SNX25: variants seen among roughly 807,000 people sequenced by gnomAD.
SNX25 encodes sorting nexin 25.
A neutral mutation model predicts 113.7 loss-of-function variants in SNX25; 62 were observed. The ratio of observed to expected loss-of-function variants is 0.55; its 90% CI spans 0.44 to 0.67. SNX25 has a LOEUF of 0.67. Ranked by LOEUF, SNX25 falls within the 30% of genes least tolerant of loss-of-function variation. SNX25 has a pLI of 0.00. For missense variants in SNX25, 1,014 were observed against 1,161.0 expected (o/e 0.87, Z 1.84); for synonymous variants, 421 against 436.2 (o/e 0.97, Z 0.43).
At chr4:185,267,820 T>C (rs1347700948) in intron 5 of SNX25, among the ~76,000 whole-genome samples, 1 of 152,198 alleles carries the variant, frequency 6.6e-6, no homozygotes, top group Non-Finnish European at 1.5e-5. Flanking sequence ...AACAGTTGAT[T>C]AGCACGTATC....
chr4:185,367,817 T>C (rs2095395373), downstream of SNX25, among the ~76,000 whole-genome samples: 5 of 152,132 alleles, frequency 3.3e-5, no homozygotes, highest in South Asian at 1.0e-3. Flanking sequence ...ACATTCTACA[T>C]ATGTAGAAGT....
intron 13 of SNX25, among the ~76,000 whole-genome samples, chr4:185,347,230 G>A (rs777281431): frequency 5.3e-5 from 8 of 152,116 alleles, no homozygotes; most frequent in African/African-American, 7.2e-5. Flanking sequence ...TTATATAAAC[G>A]TCTAGTACTT....
At chr4:185,330,662 C>A (rs140605151) in intron 9 of SNX25, among the ~76,000 whole-genome samples, 1 of 152,112 alleles carries the variant, frequency 6.6e-6, no homozygotes, top group African/African-American at 2.4e-5. Context: ...TATGATTTAT[C>A]GTGGATTTTT....
chr4:185,378,449 C>T, the SNX25 span: 4 of 1,265,490 alleles, frequency 3.2e-6, no homozygotes, highest in Non-Finnish European at 4.0e-6. Context: ...ACCATGAGAC[C>T]TGTTTGCACG....
chr4:185,283,614 A>G (rs1579613683), intron 5 of SNX25, among the ~76,000 whole-genome samples: 1 of 152,068 alleles, frequency 6.6e-6, no homozygotes, highest in Non-Finnish European at 1.5e-5. Context: ...CCTATATTGT[A>G]TTTTAGAGTA....
chr4:185,310,289 A>G (rs1160752917), intron 6 of SNX25, among the ~76,000 whole-genome samples: 1 of 152,244 alleles, frequency 6.6e-6, no homozygotes, highest in African/African-American at 2.4e-5. Context: ...CATAACTAGC[A>G]CCCAGTACAT....
At chr4:185,285,939 AT>A (rs397951411) in intron 5 of SNX25, among the ~76,000 whole-genome samples, 32 of 148,060 alleles carry the variant, frequency 2.2e-4, no homozygotes, top group Admixed American at 3.4e-4. Context: ...TGCCCAGCTA[AT>A]TTTTTTTTTT....
At position 185,320,866 on chromosome 4, in the gene SNX25, T is replaced by A; in HGVS notation, c.1476+2T>A. 6.3e-7 allele frequency: 1 copy of A among 1,586,448 alleles called. No individual in the cohort carries two copies. The highest frequency in any genetic ancestry group is 8.5e-7 in the Non-Finnish European group (1 of 1,169,674). On this transcript the variant is annotated splice_donor_variant, in intron 8 of 18. Coordinates refer to ENST00000652585, the MANE Select transcript of SNX25 (RefSeq NM_001378034.2). LOFTEE classifies it high-confidence loss of function. ...GAACATTTAAAGAATGCTAACAAGGTAGTATATGTAGGCTGAAAGGAATAT... is the reference window on the plus strand; with the variant it reads ...GAACATTTAAAGAATGCTAACAAGGAAGTATATGTAGGCTGAAAGGAATAT...
chr4:185,255,202 C>T (rs956044107), intron 2 of SNX25, among the ~76,000 whole-genome samples: 3 of 151,820 alleles, frequency 2.0e-5, no homozygotes, highest in Non-Finnish European at 2.9e-5. Flanking sequence ...GGCACAATCT[C>T]GGCTCACTGC....
In SNX25 at chr4:185,232,112, T is replaced by C. The variant is rs1305499791; in HGVS notation, c.430-15182T>C. Reference sequence around the variant, plus strand: ...AAGCTAGTTAATGTGAAAAACACACTCACCCGTCTAAACCCAAAGAATGGA... The same window carrying C: ...AAGCTAGTTAATGTGAAAAACACACCCACCCGTCTAAACCCAAAGAATGGA... On this transcript the variant is annotated intron_variant, in intron 1 of 18. Transcript: ENST00000652585. This position sits in a 1 kb window ranked among gnomAD's most constrained non-coding sequence, Gnocchi z 4.4. Among the ~76,000 whole-genome samples the C allele has an allele frequency of 6.6e-6, 1 of 152,140 alleles. No homozygotes were observed. The highest frequency in any genetic ancestry group is 1.9e-4 in the East Asian group (1 of 5,196).
At chr4:185,290,161 C>T (rs1001087378) in intron 6 of SNX25, among the ~76,000 whole-genome samples, 2 of 152,212 alleles carry the variant, frequency 1.3e-5, no homozygotes, top group African/African-American at 4.8e-5. Context: ...ATTGACTCTG[C>T]AAAGGCCCTG....
intron 2 of SNX25, among the ~76,000 whole-genome samples, chr4:185,256,892 G>A (rs763101169): frequency 6.6e-6 from 1 of 151,906 alleles, no homozygotes. Flanking sequence ...CCAAAGTTCT[G>A]GGATTACAGG....
At chr4:185,222,460 TTC>T (rs1217356414) in intron 1 of SNX25, among the ~76,000 whole-genome samples, 2 of 151,742 alleles carry the variant, frequency 1.3e-5, no homozygotes, top group Admixed American at 6.6e-5. Flanking sequence ...GCGGTAGGTA[TTC>T]AGCACCCTAT....
rs138161717 is a variant in SNX25, at chr4:185,311,560, G to A, written c.1344+744G>A. On this transcript the variant is annotated intron_variant, in intron 7 of 18. Coordinates refer to ENST00000652585, the MANE Select transcript of SNX25 (RefSeq NM_001378034.2). ...ACCCACTCAGGAGCTTAGCTGTGCC[G>A]TGGAAGGAACAGGACCTCAAAGCAG... 1.3e-4 allele frequency among the ~76,000 whole-genome samples: 20 copies of A among 152,302 alleles called. No homozygotes were observed. In the East Asian group the frequency reaches 2.5e-3, roughly 19 times the overall value.
rs1031436182 is a variant in SNX25, at chr4:185,232,474, C to T, written c.430-14820C>T. Reference sequence around the variant, plus strand: ...ATCATGACTTTCTAGGTGCATGAGCCGTGCAGTTTGTCATGTCCACAGGCC... The same window carrying T: ...ATCATGACTTTCTAGGTGCATGAGCTGTGCAGTTTGTCATGTCCACAGGCC... On this transcript the variant is annotated intron_variant, in intron 1 of 18. Coordinates refer to ENST00000652585, the MANE Select transcript of SNX25 (RefSeq NM_001378034.2). This position sits in a 1 kb window ranked among gnomAD's most constrained non-coding sequence, Gnocchi z 4.4. 3.3e-5 allele frequency among the ~76,000 whole-genome samples: 5 copies of T among 152,124 alleles called. No homozygotes were observed. The highest frequency in any genetic ancestry group is 1.5e-5 in the Non-Finnish European group (1 of 68,028).
intron 2 of SNX25, among the ~76,000 whole-genome samples, chr4:185,253,913 A>C (rs1051002172): frequency 1.3e-5 from 2 of 152,220 alleles, no homozygotes; most frequent in Non-Finnish European, 2.9e-5. Context: ...AGCGGAAGAT[A>C]CTGCAAGGTC....
At position 185,334,073 on chromosome 4, in the gene SNX25, T is replaced by C. The variant is rs1348190946; in HGVS notation, c.1914+1314T>C. Reference sequence around the variant, plus strand: ...AAAAAAAGTGGCTAGGCGCGGTGGCTCACACCTGTAATCCCAGCACTTTAG... The same window carrying C: ...AAAAAAAGTGGCTAGGCGCGGTGGCCCACACCTGTAATCCCAGCACTTTAG... On this transcript the variant is annotated intron_variant, in intron 10 of 18. Coordinates refer to ENST00000652585, the MANE Select transcript of SNX25 (RefSeq NM_001378034.2). This position sits in a 1 kb window ranked among gnomAD's most constrained non-coding sequence, Gnocchi z 4.2. 1.4e-5 allele frequency among the ~76,000 whole-genome samples: 2 copies of C among 147,684 alleles called. No homozygotes were observed. Among genetic ancestry groups the C allele is most frequent in the Non-Finnish European group, 3.0e-5 (2 of 67,496 alleles).
intron 15 of SNX25, among the ~76,000 whole-genome samples, chr4:185,356,216 G>A (rs529817037): frequency 6.6e-6 from 1 of 151,976 alleles, no homozygotes; most frequent in African/African-American, 2.4e-5. Flanking sequence ...TAGAGTAAGG[G>A]GCTATCAGTG....
intron 1 of SNX25, among the ~76,000 whole-genome samples, chr4:185,241,599 A>AT (rs977906104): frequency 4.3e-4 from 46 of 107,676 alleles, no homozygotes; most frequent in Admixed American, 9.3e-4. Flanking sequence ...GGACAGGTGT[A>AT]TTTTTTTTTT....
Sources: allele counts gnomAD v4.1 joint callset (sites outside exome capture counted in the v4.1 genomes callset), GRCh38; gene constraint gnomAD v4.1.1; non-coding constraint Gnocchi (gnomAD v3.1); transcripts MANE v1.5; gene names NCBI Gene and HGNC (gene_info 2026-07-23, HGNC 2026-07-21).